KIF26B: variants seen among roughly 807,000 people sequenced by gnomAD.
KIF26B encodes kinesin-like protein KIF26B.
KIF26B carries 63 observed loss-of-function variants against 151.2 expected under a neutral mutation model. That is an observed-to-expected ratio of 0.42 (90% confidence interval 0.34 to 0.51). KIF26B has a LOEUF of 0.51. KIF26B is among the 20% of genes least tolerant of loss of function. The pLI is 0.07. For missense variants in KIF26B, 2,813 were observed against 2,913.6 expected (o/e 0.97, Z 0.79); for synonymous variants, 1,357 against 1,262.1 (o/e 1.08, Z -1.59).
chr1:245,242,433 A>C (rs1056810698), intron 2 of KIF26B, among the ~76,000 whole-genome samples: 1 of 152,232 alleles, frequency 6.6e-6, no homozygotes, highest in African/African-American at 2.4e-5. Context: ...TAACTAGCCC[A>C]TGTATGGTGT....
chr1:245,562,157 T>G (rs1484477370), intron 5 of KIF26B, among the ~76,000 whole-genome samples: 2 of 152,056 alleles, frequency 1.3e-5, no homozygotes, highest in Middle Eastern at 3.2e-3. Context: ...GTGCTAGTGG[T>G]CCCTTCAGAG....
intron 2 of KIF26B, among the ~76,000 whole-genome samples, chr1:245,351,334 T>C (rs1484807011): frequency 6.6e-6 from 1 of 152,212 alleles, no homozygotes; most frequent in Non-Finnish European, 1.5e-5. Flanking sequence ...GGAAGTGCAT[T>C]GAATGAGAAG....
chr1:245,286,836 G>A (rs185822359), intron 2 of KIF26B, among the ~76,000 whole-genome samples: 7 of 152,184 alleles, frequency 4.6e-5, no homozygotes, highest in Admixed American at 2.0e-4. Context: ...GGCTGGGTGC[G>A]GTGGCTCACG....
At chr1:245,408,349 CTTTTTTTTTTTTT>C (rs58724712) in intron 3 of KIF26B, among the ~76,000 whole-genome samples, 5 of 113,314 alleles carry the variant, frequency 4.4e-5, no homozygotes, top group African/African-American at 1.6e-4. Context: ...TTAAATGATT[CTTTTTTTTTTTTT>C]TTTTTTTTTT....
rs572939458 is a variant in KIF26B, at chr1:245,388,213, T to A, written c.999+20846T>A. 3.3e-5 allele frequency among the ~76,000 whole-genome samples: 5 copies of A among 152,250 alleles called. No homozygotes were observed. The East Asian group carries it at 7.7e-4, about 24-fold the overall frequency. ...ATATGAACAAGTCAGGTTTTTTTTTTATCATAGTATTTTTTAAAAAACGTT... is the reference window on the plus strand; with the variant it reads ...ATATGAACAAGTCAGGTTTTTTTTTAATCATAGTATTTTTTAAAAAACGTT... On this transcript the variant is annotated intron_variant, in intron 3 of 14. Coordinates refer to ENST00000407071, the MANE Select transcript of KIF26B (RefSeq NM_018012.4).
chr1:245,476,252 G>T (rs1358488391), intron 4 of KIF26B, among the ~76,000 whole-genome samples: 1 of 151,782 alleles, frequency 6.6e-6, no homozygotes, highest in Non-Finnish European at 1.5e-5. Flanking sequence ...AGAACTGGGG[G>T]TGTTGAGTGA....
At chr1:245,664,902 G>A (rs2044197282) in intron 10 of KIF26B, among the ~76,000 whole-genome samples, 2 of 151,972 alleles carry the variant, frequency 1.3e-5, no homozygotes, top group Non-Finnish European at 2.9e-5. Context: ...ATATGTTTAT[G>A]TGCATTAACA....
rs6679351 is a variant in KIF26B, at chr1:245,332,629, G to A, written c.466-34205G>A. ...CCCCACTGCTGACATGTTGTGAGTC[G>A]TCTCCTGGAAGCCACAGCCCTGCTG... On this transcript the variant is annotated intron_variant, in intron 2 of 14. Transcript: ENST00000407071. 7.7e-3 allele frequency among the ~76,000 whole-genome samples: 1,165 copies of A among 151,996 alleles called. 15 individuals carry two copies. The highest frequency in any genetic ancestry group is 0.026 in the African/African-American group (1,075 of 41,428).
intron 4 of KIF26B, among the ~76,000 whole-genome samples, chr1:245,522,947 T>C (rs1661160870): frequency 6.6e-6 from 1 of 152,206 alleles, no homozygotes; most frequent in Non-Finnish European, 1.5e-5. Flanking sequence ...TATTAATGTT[T>C]TATTTTAACA....
At position 245,312,690 on chromosome 1, in the gene KIF26B, G is replaced by A. The variant is rs902809651; in HGVS notation, c.466-54144G>A. On this transcript the variant is annotated intron_variant, in intron 2 of 14. Coordinates refer to ENST00000407071, the MANE Select transcript of KIF26B (RefSeq NM_018012.4). ...AAAAAGTAGGTCTCAGAGAGGTTAC[G>A]TGACATGCCCAAGTTCATGTGCTGG... Among the ~76,000 whole-genome samples the A allele has an allele frequency of 3.3e-5, 5 of 152,250 alleles. No individual in the cohort carries two copies. The East Asian group carries it at 9.6e-4, about 29-fold the overall frequency.
intron 2 of KIF26B, among the ~76,000 whole-genome samples, chr1:245,309,637 CATT>C (rs934410554): frequency 6.7e-6 from 1 of 149,154 alleles, no homozygotes; most frequent in African/African-American, 2.5e-5. Context: ...ATACCTCTCT[CATT>C]ATATATATAA....
intron 3 of KIF26B, among the ~76,000 whole-genome samples, chr1:245,369,059 G>A (rs1673031977): frequency 6.6e-6 from 1 of 152,094 alleles, no homozygotes; most frequent in African/African-American, 2.4e-5. Context: ...GATCGCCTGA[G>A]CCCAGGAGGC....
intron 2 of KIF26B, among the ~76,000 whole-genome samples, chr1:245,293,578 CTTTT>C (rs138673467): frequency 2.1e-4 from 29 of 139,412 alleles, no homozygotes; most frequent in African/African-American, 3.2e-4. Flanking sequence ...TCTTTCTTTC[CTTTT>C]TTTTTTTTTT....
chr1:245,424,584 A>G (rs1176445258), intron 4 of KIF26B, among the ~76,000 whole-genome samples: 1 of 152,180 alleles, frequency 6.6e-6, no homozygotes, highest in Non-Finnish European at 1.5e-5. Context: ...AATGCCTATA[A>G]AATAAGAATT....
chr1:245,550,611 A>T (rs1463477656), intron 5 of KIF26B, among the ~76,000 whole-genome samples: 1 of 152,260 alleles, frequency 6.6e-6, no homozygotes, highest in Non-Finnish European at 1.5e-5. Context: ...AAGGCAGAGG[A>T]CTGAGACCAT....
Position 245,203,586 on chromosome 1 carries a change from A to G in KIF26B, c.465+46903A>G, listed in dbSNP as rs575159499. On this transcript the variant is annotated intron_variant, in intron 2 of 14. Transcript: ENST00000407071. ...GTGGGTTGCGTTACTGGGACCCCCA[A>G]TTGCCACACCGCTAGCATTTGTCCA... Among the ~76,000 whole-genome samples the G allele has an allele frequency of 9.7e-4, 147 of 152,310 alleles. 1 individual carries two copies. Among genetic ancestry groups the G allele is most frequent in the Admixed American group, 2.4e-3 (37 of 15,292 alleles).
In KIF26B at chr1:245,586,719, TA is replaced by T. The variant is rs540579369; in HGVS notation, c.1351-15850del. Among the ~76,000 whole-genome samples the T allele has an allele frequency of 1.3e-3, 190 of 149,850 alleles. 1 individual carries two copies. The highest frequency in any genetic ancestry group is 4.6e-3 in the African/African-American group (187 of 40,740). ...TAACAAGGTGAAACCCCGTCTCTAC[TA>T]AAAAAAATACAAAAAATTAGCCGGG... On this transcript the variant is annotated intron_variant, in intron 5 of 14. Coordinates refer to ENST00000407071, the MANE Select transcript of KIF26B (RefSeq NM_018012.4).
chr1:245,160,809 AG>A (rs1485020435), intron 2 of KIF26B, among the ~76,000 whole-genome samples: 1 of 152,200 alleles, frequency 6.6e-6, no homozygotes, highest in East Asian at 1.9e-4. Flanking sequence ...AATGCGTCAT[AG>A]GGGTTAAAAA....
intron 10 of KIF26B, among the ~76,000 whole-genome samples, chr1:245,659,690 C>T (rs548568042): frequency 5.3e-5 from 8 of 152,150 alleles, no homozygotes; most frequent in African/African-American, 1.9e-4. Context: ...GAGTACAAGG[C>T]ATAAAGCAGT....
Sources: gnomAD v4.1 joint callset for allele counts (sites outside exome capture counted in the v4.1 genomes callset) on GRCh38, gnomAD v4.1.1 for gene constraint, MANE v1.5 for transcripts, NCBI Gene and HGNC (gene_info 2026-07-23, HGNC 2026-07-21) for gene names.